Variants in CDH23 observed in about 807,000 individuals in gnomAD.
CDH23 encodes the protein cadherin-23.
Under a neutral mutation model 317.1 loss-of-function variants are expected in CDH23, and 189 were observed. That is an observed-to-expected ratio of 0.60 (90% CI 0.53 to 0.67). CDH23 has a LOEUF of 0.67. Ranked by LOEUF, CDH23 falls within the 30% of genes least tolerant of loss-of-function variation. CDH23 has a pLI of 0.00. For synonymous variants in CDH23, 1,839 were observed against 1,876.8 expected, an observed-to-expected ratio of 0.98 and a Z score of 0.52; for missense variants, 4,401 against 4,592.4, an observed-to-expected ratio of 0.96 and a Z score of 1.20.
At chr10:71,437,794 G>C (rs970191791) in intron 1 of CDH23, among the ~76,000 whole-genome samples, 1 of 152,138 alleles carries the variant, frequency 6.6e-6, no homozygotes, top group African/African-American at 2.4e-5. Flanking sequence ...GCCACACTGG[G>C]CCCACATTCC....
intron 6 of CDH23, among the ~76,000 whole-genome samples, chr10:71,516,660 C>T (rs1419032836): frequency 6.6e-6 from 1 of 152,176 alleles, no homozygotes; most frequent in Non-Finnish European, 1.5e-5. Context: ...ACCACCACCT[C>T]CTGGGGTAGC....
intron 8 of CDH23, among the ~76,000 whole-genome samples, chr10:71,575,500 C>G (rs1393547208): frequency 6.6e-6 from 1 of 152,196 alleles, no homozygotes; most frequent in African/African-American, 2.4e-5. Context: ...AAACCCTTAA[C>G]CACCTTGTGG....
chr10:71,457,477 CCCTG>C (rs145008591), intron 3 of CDH23, among the ~76,000 whole-genome samples: 4,486 of 152,242 alleles, frequency 0.029, 162 homozygotes, highest in East Asian at 0.12. Flanking sequence ...ACTCTTACCG[CCCTG>C]CAATGCTGCC....
intron 1 of CDH23, among the ~76,000 whole-genome samples, chr10:71,414,300 A>G (rs959588239): frequency 6.6e-6 from 1 of 152,184 alleles, no homozygotes; most frequent in Non-Finnish European, 1.5e-5. Context: ...GCCATTGTGT[A>G]TGATACTAGC....
At chr10:71,748,629 C>G (rs1839912609) in intron 38 of CDH23, 2 of 152,430 alleles carry the variant, frequency 1.3e-5, no homozygotes, top group Admixed American at 1.3e-4. Context: ...ATTTCCCTCT[C>G]AGGGCCTCAG....
At chr10:71,631,891 G>A (rs781562582) in intron 11 of CDH23, among the ~76,000 whole-genome samples, 10 of 152,206 alleles carry the variant, frequency 6.6e-5, no homozygotes, top group African/African-American at 2.4e-4. Flanking sequence ...GAAGCCACTC[G>A]CTATTGCCCT....
chr10:71,504,673 C>T (rs10823772), intron 3 of CDH23, among the ~76,000 whole-genome samples: 35,406 of 152,098 alleles, frequency 0.23, 4,251 homozygotes, highest in Non-Finnish European at 0.26. Flanking sequence ...AATCCTCTGC[C>T]GCACTGATTG....
intron 17 of CDH23, among the ~76,000 whole-genome samples, 170 bp downstream of exon 17, chr10:71,679,662 G>A (rs556998622): frequency 9.2e-5 from 14 of 152,312 alleles, no homozygotes; most frequent in Admixed American, 5.2e-4. Context: ...GGCCTGAGTC[G>A]CCCTTCCGTA....
intron 3 of CDH23, among the ~76,000 whole-genome samples, chr10:71,492,608 G>A (rs115544008): frequency 2.6e-5 from 4 of 152,152 alleles, no homozygotes; most frequent in African/African-American, 7.2e-5. Flanking sequence ...ACTAGAACCA[G>A]GTCACTCTCA....
Position 71,695,422 on chromosome 10 carries a change from ACAT to A in CDH23, c.2297_2299del (p.Ile766del). On this transcript the variant is annotated inframe_deletion, in exon 22 of 70. Transcript: ENST00000224721. Reference sequence around the variant, plus strand: ...GCGCCCCTTATGGCTTCACAGGTAAACATCACCCTCCTGGACATCAATGACAAC... The same window carrying A: ...GCGCCCCTTATGGCTTCACAGGTAAACACCCTCCTGGACATCAATGACAAC... 6.2e-7 allele frequency: 1 copy of A among 1,609,468 alleles called. No individual in the cohort carries two copies. The highest frequency in any genetic ancestry group is 8.5e-7 in the Non-Finnish European group (1 of 1,175,710).
intron 55 of CDH23, among the ~76,000 whole-genome samples, chr10:71,803,982 C>CA (rs35814351): frequency 0.033 from 4,278 of 130,596 alleles, 85 homozygotes; most frequent in Middle Eastern, 0.095. Flanking sequence ...GAGACTTTGT[C>CA]AAAAAAAAAA....
rs566898496 is a variant in CDH23, at chr10:71,617,820, C to T, written c.1134+427C>T. Reference sequence around the variant, plus strand: ...CCAGCCTGTCCAACACTGGAAACCCCGTCTCTACTAAAAATACAAAAATTA... The same window carrying T: ...CCAGCCTGTCCAACACTGGAAACCCTGTCTCTACTAAAAATACAAAAATTA... On this transcript the variant is annotated intron_variant, in intron 11 of 69. Coordinates refer to ENST00000224721, the MANE Select transcript of CDH23 (RefSeq NM_022124.6). 1.6e-4 allele frequency among the ~76,000 whole-genome samples: 25 copies of T among 152,100 alleles called. No individual in the cohort carries two copies. In the South Asian group the frequency reaches 3.5e-3, roughly 21 times the overall value.
At chr10:71,467,686 T>C (rs1292593928) in intron 3 of CDH23, among the ~76,000 whole-genome samples, 2 of 152,070 alleles carry the variant, frequency 1.3e-5, no homozygotes, top group African/African-American at 4.8e-5. Context: ...GTCCATGAAG[T>C]GTGGAGGATG....
intron 38 of CDH23, chr10:71,760,466 A>G (rs1840349792): frequency 6.1e-6 from 1 of 163,422 alleles, no homozygotes. Context: ...TGAAGAACAT[A>G]GAAACACAGA....
intron 1 of CDH23, among the ~76,000 whole-genome samples, chr10:71,424,352 C>G (rs934421552): frequency 1.3e-5 from 2 of 152,256 alleles, no homozygotes; most frequent in Non-Finnish European, 2.9e-5. Flanking sequence ...CCCCTTGCTC[C>G]TTTTAGAAGC....
chr10:71,510,975 G>A lies in CDH23; in HGVS notation c.310G>A (p.Glu104Lys), dbSNP rs772284876. The change falls in exon 5 of 70, where the codon GAG becomes AAG. Residue 104 changes from glutamate (E) to lysine (K), a missense_variant. Physicochemically the swap from Glu to Lys is moderately conservative, Grantham distance 56. Transcript: ENST00000224721. Reference sequence around the variant, plus strand: ...TCAGACCAAGTCAGAGTTCACCGTGGAGTTCTCTGTCAGCGACCACCAGGG... The same window carrying A: ...TCAGACCAAGTCAGAGTTCACCGTGAAGTTCTCTGTCAGCGACCACCAGGG... Reference protein sequence around the residue: ...DRETKSEFTVEFSVSDHQGVI... With the variant: ...DRETKSEFTVKFSVSDHQGVI... 22 of 1,613,752 alleles carry A rather than the reference G, an allele frequency of 1.4e-5. No homozygotes were observed. The African/African-American group carries it at 2.0e-4, about 15-fold the overall frequency.
At chr10:71,662,786 G>A (rs1203998196) in intron 14 of CDH23, among the ~76,000 whole-genome samples, 1 of 152,108 alleles carries the variant, frequency 6.6e-6, no homozygotes, top group African/African-American at 2.4e-5. Context: ...GCCTGTATCC[G>A]TTTCCTAGGG....
chr10:71,506,833 G>T (rs1853665293), intron 3 of CDH23, among the ~76,000 whole-genome samples: 1 of 152,298 alleles, frequency 6.6e-6, no homozygotes, highest in East Asian at 1.9e-4. Context: ...CACAAAGAAG[G>T]CATGAGCAGG....
intron 3 of CDH23, among the ~76,000 whole-genome samples, chr10:71,469,337 CCT>C (rs777975261): frequency 3.0e-4 from 45 of 152,186 alleles, no homozygotes; most frequent in Non-Finnish European, 2.6e-4. Context: ...GGAGCTGCTC[CCT>C]GTCACTATAT....
Sources: gnomAD v4.1 joint callset for allele counts (sites outside exome capture counted in the v4.1 genomes callset) on GRCh38, gnomAD v4.1.1 for gene constraint, MANE v1.5 for transcripts, NCBI Gene and HGNC (gene_info 2026-07-23, HGNC 2026-07-21) for gene names.